The following CFAP61 variants were observed in gnomAD, a reference collection of about 807,000 sequenced individuals.
CFAP61 encodes the protein cilia and flagella associated protein 61, also known as cilia- and flagella-associated protein 61.
A neutral mutation model predicts 135.6 loss-of-function variants in CFAP61; 107 were observed. The ratio of observed to expected loss-of-function variants is 0.79; its 90% CI spans 0.67 to 0.93. The LOEUF is 0.93. Ranked by LOEUF, CFAP61 falls within the 40% of genes least tolerant of loss-of-function variation. CFAP61 has a pLI of 0.00. For missense variants in CFAP61, 1,507 were observed against 1,556.2 expected, an observed-to-expected ratio of 0.97 and a Z score of 0.53; for synonymous variants, 575 against 578.5, an observed-to-expected ratio of 0.99 and a Z score of 0.09.
At chr20:20,329,685 G>A (rs116020325) in intron 25 of CFAP61, among the ~76,000 whole-genome samples, 2,156 of 152,038 alleles carry the variant, frequency 0.014, 58 homozygotes, top group African/African-American at 0.048. Context: ...AGTCTGCCCC[G>A]CCCACTGCCC....
At chr20:20,307,000 G>A (rs2424342) in intron 25 of CFAP61, among the ~76,000 whole-genome samples, 70,551 of 151,874 alleles carry the variant, frequency 0.46, 17,378 homozygotes, top group Middle Eastern at 0.58. Context: ...TCTTCACCAA[G>A]CTTTACAAAA....
At chr20:20,337,725 G>A (rs1010793245) in intron 25 of CFAP61, among the ~76,000 whole-genome samples, 6 of 152,160 alleles carry the variant, frequency 3.9e-5, no homozygotes, top group Non-Finnish European at 7.4e-5. Context: ...CTTAGCAGAC[G>A]TCCCACCATG....
intron 8 of CFAP61, among the ~76,000 whole-genome samples, chr20:20,120,382 C>A (rs1939511222): frequency 6.6e-6 from 1 of 152,056 alleles, no homozygotes; most frequent in South Asian, 2.1e-4. Flanking sequence ...ATCTGAATTT[C>A]TTCATTGACT....
chr20:20,253,624 C>T, intron 20 of CFAP61: 1 of 476,998 alleles, frequency 2.1e-6, no homozygotes, highest in East Asian at 6.0e-5. Context: ...TGTGTCCAGT[C>T]CCACTGTTTG....
intron 24 of CFAP61, among the ~76,000 whole-genome samples, chr20:20,292,810 C>T (rs1431554992): frequency 6.6e-6 from 1 of 152,084 alleles, no homozygotes; most frequent in Non-Finnish European, 1.5e-5. Flanking sequence ...TACTAGCAAG[C>T]TGGAAGCTGC....
chr20:20,249,393 G>A (rs772783899), intron 19 of CFAP61, among the ~76,000 whole-genome samples: 44 of 151,974 alleles, frequency 2.9e-4, no homozygotes, highest in Admixed American at 1.2e-3. Context: ...AATTAAATTA[G>A]CCAGGTATGG....
chr20:20,117,904 G>A (rs2049272581), intron 8 of CFAP61, among the ~76,000 whole-genome samples: 1 of 152,106 alleles, frequency 6.6e-6, no homozygotes. Context: ...TACTGTTGGT[G>A]ATAAAATACT....
chr20:20,117,709 G>A (rs1056171790), intron 8 of CFAP61, among the ~76,000 whole-genome samples: 5 of 151,822 alleles, frequency 3.3e-5, no homozygotes, highest in Non-Finnish European at 7.4e-5. Flanking sequence ...TTCTTCTAAT[G>A]CATGACCATG....
chr20:20,354,803 CA>C (rs1030042413), intron 26 of CFAP61, among the ~76,000 whole-genome samples: 2 of 98,658 alleles, frequency 2.0e-5, no homozygotes, highest in African/African-American at 8.2e-5. Context: ...CACACTGTGT[CA>C]GGGGAGGTGG....
At chr20:20,193,478 GAGTT>G (rs1278163062) in intron 15 of CFAP61, among the ~76,000 whole-genome samples, 3 of 151,420 alleles carry the variant, frequency 2.0e-5, no homozygotes, top group Admixed American at 6.6e-5. Flanking sequence ...ATATTTCTTG[GAGTT>G]AGTTAATCTT....
intron 14 of CFAP61, among the ~76,000 whole-genome samples, chr20:20,189,216 A>G (rs1433407277): frequency 6.6e-6 from 1 of 152,058 alleles, no homozygotes; most frequent in African/African-American, 2.4e-5. Context: ...TTATAAAGGC[A>G]TCAGAGTAAA....
intron 2 of CFAP61, among the ~76,000 whole-genome samples, chr20:20,058,922 CAA>C (rs1330036299): frequency 2.6e-5 from 4 of 152,042 alleles, no homozygotes; most frequent in African/African-American, 7.2e-5. Flanking sequence ...TTAGAATCAA[CAA>C]GAGAAATTAT....
intron 25 of CFAP61, among the ~76,000 whole-genome samples, chr20:20,339,240 T>G (rs368655348): frequency 1.3e-4 from 20 of 152,274 alleles, no homozygotes; most frequent in African/African-American, 4.8e-4. Context: ...GGGAAAAAGT[T>G]AATATTTTTT....
intron 26 of CFAP61, among the ~76,000 whole-genome samples, chr20:20,346,282 C>G (rs1156923899): frequency 1.3e-5 from 2 of 148,170 alleles, no homozygotes; most frequent in Non-Finnish European, 3.0e-5. Flanking sequence ...TTTGGGAGGC[C>G]GAGGCAGGTG....
chr20:20,266,544 G>C (rs997561268), intron 21 of CFAP61, among the ~76,000 whole-genome samples: 2 of 152,216 alleles, frequency 1.3e-5, no homozygotes, highest in Non-Finnish European at 2.9e-5. Flanking sequence ...CACATGGTGA[G>C]TTTTATCAAA....
intron 2 of CFAP61, 41 bp downstream of exon 2, chr20:20,056,837 G>T: frequency 6.3e-7 from 1 of 1,594,196 alleles, no homozygotes; most frequent in Non-Finnish European, 8.6e-7. Flanking sequence ...ATCAATTTTG[G>T]TTGGGTGCAG....
At chr20:20,337,781 CCTGCCTG>C (rs2058294151) in intron 25 of CFAP61, among the ~76,000 whole-genome samples, 2 of 152,226 alleles carry the variant, frequency 1.3e-5, no homozygotes, top group Admixed American at 1.3e-4. Flanking sequence ...TGTTTACAAT[CCTGCCTG>C]CCTCTCACCC....
At chr20:20,311,595 G>T (rs2056833414) in intron 25 of CFAP61, among the ~76,000 whole-genome samples, 1 of 152,052 alleles carries the variant, frequency 6.6e-6, no homozygotes, top group Admixed American at 6.6e-5. Flanking sequence ...GACCAAGGCA[G>T]GTGGAGTTGT....
chr20:20,288,534 G>C (rs2054760923), intron 22 of CFAP61, 75 bp from the exon 23 acceptor site: 2 of 1,152,286 alleles, frequency 1.7e-6, no homozygotes, highest in African/African-American at 3.1e-5. Flanking sequence ...AAAATGCCCT[G>C]GAGACTAGTC....
Sources: gnomAD v4.1 joint callset for allele counts (sites outside exome capture counted in the v4.1 genomes callset) on GRCh38, gnomAD v4.1.1 for gene constraint, MANE v1.5 for transcripts, NCBI Gene and HGNC (gene_info 2026-07-23, HGNC 2026-07-21) for gene names.